FZD3: variants seen among roughly 807,000 people sequenced by gnomAD.
FZD3 encodes the protein frizzled class receptor 3.
Under a neutral mutation model 60.7 loss-of-function variants are expected in FZD3, and 30 were observed. The ratio of observed to expected loss-of-function variants is 0.49; its 90% CI spans 0.37 to 0.67. FZD3 has a LOEUF of 0.67. Among genes scored for constraint, FZD3 ranks in the 30% least tolerant of loss-of-function variants. FZD3 has a pLI of 0.00. For synonymous variants in FZD3, 246 were observed against 275.2 expected (o/e 0.89, Z 1.05); for missense variants, 605 against 838.7 (o/e 0.72, Z 3.44).
At position 28,564,543 on chromosome 8, in the gene FZD3, A is replaced by T. The variant is rs1041315883; in HGVS notation, c.*1532A>T. 1 of 151,588 alleles carries T rather than the reference A, an allele frequency of 6.6e-6. No homozygotes were observed. The highest frequency in any genetic ancestry group is 1.5e-5 in the Non-Finnish European group (1 of 68,006). 9.4% of individuals were successfully genotyped at this position (151,588 alleles called of 1,614,324 possible). On this transcript the variant is annotated 3_prime_UTR_variant, in exon 8 of 8. Transcript: ENST00000240093. ...TTGCCCCTGATGATCTGTCGGCATC[A>T]TATATCACATGAACATCCACATGGA...
At chr8:28,557,222 A>AG (rs1346660683) in intron 7 of FZD3, among the ~76,000 whole-genome samples, 11 of 132,816 alleles carry the variant, frequency 8.3e-5, no homozygotes, top group South Asian at 8.1e-4. Flanking sequence ...AAAAAAAAAA[A>AG]AAAAGAAGAA....
intron 4 of FZD3, among the ~76,000 whole-genome samples, chr8:28,524,396 T>G (rs922122645): frequency 6.6e-6 from 1 of 152,212 alleles, no homozygotes; most frequent in African/African-American, 2.4e-5. Flanking sequence ...CAGTTGTATT[T>G]TCTATTTGTA....
At chr8:28,525,117 T>C (rs1804683222) in intron 4 of FZD3, among the ~76,000 whole-genome samples, 1 of 152,160 alleles carries the variant, frequency 6.6e-6, no homozygotes. Context: ...CCTTTCTGAT[T>C]ACTTGGGTTA....
chr8:28,539,985 A>G (rs566031131), intron 5 of FZD3, among the ~76,000 whole-genome samples: 1 of 152,290 alleles, frequency 6.6e-6, no homozygotes, highest in South Asian at 2.1e-4. Context: ...AAATAGAAAA[A>G]TCAAAACGCA....
At chr8:28,525,686 G>A (rs1804697724) in intron 4 of FZD3, among the ~76,000 whole-genome samples, 2 of 152,174 alleles carry the variant, frequency 1.3e-5, no homozygotes, top group African/African-American at 4.8e-5. Flanking sequence ...GAAGCCATTA[G>A]AGGGTTTTAA....
chr8:28,505,560 C>A (rs989102281), intron 3 of FZD3, among the ~76,000 whole-genome samples: 34 of 152,166 alleles, frequency 2.2e-4, no homozygotes, highest in African/African-American at 6.5e-4. Flanking sequence ...CCATGTTGCC[C>A]AGGCTGATCT....
intron 3 of FZD3, among the ~76,000 whole-genome samples, chr8:28,512,572 T>A (rs780844214): frequency 1.3e-5 from 2 of 152,122 alleles, no homozygotes; most frequent in Non-Finnish European, 2.9e-5. Flanking sequence ...GCTTTTAAAA[T>A]AGTAAAACTA....
intron 6 of FZD3, 80 bp from the exon 7 acceptor site, chr8:28,555,658 A>G (rs1805494343): frequency 8.8e-6 from 7 of 793,410 alleles, no homozygotes; most frequent in Non-Finnish European, 1.5e-5. Context: ...CAAGAATAAT[A>G]TCAGTGTTTC....
At chr8:28,542,767 A>G (rs1805200553) in intron 5 of FZD3, among the ~76,000 whole-genome samples, 1 of 152,226 alleles carries the variant, frequency 6.6e-6, no homozygotes, top group African/African-American at 2.4e-5. Context: ...TTTAGTTCCT[A>G]TACATTGATA....
chr8:28,553,475 T>C (rs1366024441), intron 6 of FZD3, among the ~76,000 whole-genome samples: 1 of 152,224 alleles, frequency 6.6e-6, no homozygotes, highest in Non-Finnish European at 1.5e-5. Flanking sequence ...AATTAAACAT[T>C]CCTGGATACC....
At chr8:28,497,891 C>T (rs1803884593) in intron 1 of FZD3, among the ~76,000 whole-genome samples, 1 of 152,218 alleles carries the variant, frequency 6.6e-6, no homozygotes, top group African/African-American at 2.4e-5. Context: ...CCCGGGAAGA[C>T]AGTCTTCCAA....
At position 28,574,019 on chromosome 8, in the gene FZD3, T is replaced by C. The variant is rs375579586; in HGVS notation, c.*11008T>C. The stretch of plus-strand genomic sequence containing the variant: ...ACTTCCAAATGAGTGGAAAAGTTGC[T>C]GTTGTTGGGATGTACAGGGCAAGTG... On this transcript the variant is annotated 3_prime_UTR_variant, in exon 8 of 8. Coordinates refer to ENST00000240093, the MANE Select transcript of FZD3 (RefSeq NM_017412.4). The C allele has an allele frequency of 2.0e-5, 3 of 152,176 alleles. No homozygotes were observed. The highest frequency in any genetic ancestry group is 7.2e-5 in the African/African-American group (3 of 41,448). The allele number at this position is 152,176 out of a possible 1,614,324, so 9.4% of individuals were successfully genotyped here. A position where few individuals can be genotyped will look rare whatever the true frequency, so the allele number is the denominator to read the frequency against.
chr8:28,519,888 G>A (rs1027001676), intron 3 of FZD3, among the ~76,000 whole-genome samples: 8 of 151,894 alleles, frequency 5.3e-5, no homozygotes, highest in African/African-American at 1.9e-4. Context: ...GTTGACAATT[G>A]TTAATTGAAG....
intron 5 of FZD3, among the ~76,000 whole-genome samples, chr8:28,529,291 A>G (rs1804800050): frequency 6.6e-6 from 1 of 152,090 alleles, no homozygotes; most frequent in African/African-American, 2.4e-5. Context: ...ATCATTTTCC[A>G]GATTTCCTCT....
intron 3 of FZD3, among the ~76,000 whole-genome samples, chr8:28,511,900 A>G (rs1804300435): frequency 6.6e-6 from 1 of 152,212 alleles, no homozygotes; most frequent in Non-Finnish European, 1.5e-5. Flanking sequence ...AACCTCACAC[A>G]TAGTAACTGC....
At position 28,570,444 on chromosome 8, in the gene FZD3, G is replaced by GT. The variant is rs1406075413; in HGVS notation, c.*7434dup. On this transcript the variant is annotated 3_prime_UTR_variant, in exon 8 of 8. Coordinates refer to ENST00000240093, the MANE Select transcript of FZD3 (RefSeq NM_017412.4). ...GATCAAGACCGTCCTGGCTAACATG[G>GT]TGAGACCCTGTCTCTACTAAAAACA... 1 of 152,332 alleles carries GT rather than the reference G, an allele frequency of 6.6e-6. No homozygotes were observed. Among genetic ancestry groups the GT allele is most frequent in the Non-Finnish European group, 1.5e-5 (1 of 68,186 alleles). 9.4% of individuals were successfully genotyped at this position (152,332 alleles called of 1,614,324 possible). A position where few individuals can be genotyped will look rare whatever the true frequency, so the allele number is the denominator to read the frequency against.
At chr8:28,524,631 C>T (rs1449889286) in intron 4 of FZD3, among the ~76,000 whole-genome samples, 4 of 152,076 alleles carry the variant, frequency 2.6e-5, no homozygotes, top group African/African-American at 9.7e-5. Context: ...TTTTTCTGCC[C>T]CTTGAATAAT....
Position 28,541,215 on chromosome 8 carries a change from C to T in FZD3, c.1405-10388C>T, listed in dbSNP as rs144687590. On this transcript the variant is annotated intron_variant, in intron 5 of 7. Coordinates refer to ENST00000240093, the MANE Select transcript of FZD3 (RefSeq NM_017412.4). ...TAGCTTGGCTCTTCTTCCTCAGTGTCTTGGCCCTCTGGCTCCAACACTCTG... is the reference window on the plus strand; with the variant it reads ...TAGCTTGGCTCTTCTTCCTCAGTGTTTTGGCCCTCTGGCTCCAACACTCTG... 1.8e-3 allele frequency among the ~76,000 whole-genome samples: 267 copies of T among 152,300 alleles called. 3 individuals carry two copies. The highest frequency in any genetic ancestry group is 6.1e-3 in the African/African-American group (253 of 41,566).
chr8:28,544,948 C>T (rs979250985), intron 5 of FZD3, among the ~76,000 whole-genome samples: 2 of 152,146 alleles, frequency 1.3e-5, no homozygotes, highest in Admixed American at 1.3e-4. Flanking sequence ...CAGGGCGTTA[C>T]GTAGCGAGAG....
Sources: gnomAD v4.1 joint callset for allele counts (sites outside exome capture counted in the v4.1 genomes callset) on GRCh38, gnomAD v4.1.1 for gene constraint, MANE v1.5 for transcripts, NCBI Gene and HGNC (gene_info 2026-07-23, HGNC 2026-07-21) for gene names.